Variants in CDKAL1 observed in about 807,000 individuals in gnomAD.
The protein encoded by CDKAL1 is CDKAL1 threonylcarbamoyladenosine tRNA methylthiotransferase.
Under a neutral mutation model 68.2 loss-of-function variants are expected in CDKAL1, and 32 were observed. The ratio of observed to expected loss-of-function variants is 0.47; its 90% CI spans 0.35 to 0.63. CDKAL1 has a LOEUF of 0.63. Ranked by LOEUF, CDKAL1 falls within the 30% of genes least tolerant of loss-of-function variation. The pLI is 0.00. For synonymous variants in CDKAL1, 234 were observed against 244.3 expected, an observed-to-expected ratio of 0.96 and a Z score of 0.39; for missense variants, 606 against 696.7, an observed-to-expected ratio of 0.87 and a Z score of 1.47.
At chr6:20,862,662 T>TGCGCGCGC (rs373491559) in intron 9 of CDKAL1, among the ~76,000 whole-genome samples, 20 of 133,878 alleles carry the variant, frequency 1.5e-4, no homozygotes, top group African/African-American at 4.7e-4. Context: ...TGTGTGTGTG[T>TGCGCGCGC]GCGCGCGTGC....
intron 15 of CDKAL1, among the ~76,000 whole-genome samples, chr6:21,219,802 A>G (rs73387991): frequency 0.061 from 9,305 of 152,252 alleles, 825 homozygotes; most frequent in African/African-American, 0.2. Context: ...ACACACTTTC[A>G]TGGTTACCTA....
chr6:20,558,489 A>G (rs1242599883), intron 4 of CDKAL1: 2 of 456,188 alleles, frequency 4.4e-6, no homozygotes, highest in Non-Finnish European at 8.8e-6. Flanking sequence ...TGGGGTTGAA[A>G]CAGTAAGTGC....
At chr6:20,784,772 CAT>C (rs1775598248) in intron 8 of CDKAL1, among the ~76,000 whole-genome samples, 1 of 151,962 alleles carries the variant, frequency 6.6e-6, no homozygotes. Context: ...ATGGCACACA[CAT>C]GGATACAGAG....
intron 10 of CDKAL1, among the ~76,000 whole-genome samples, chr6:20,980,157 A>G (rs1052244962): frequency 6.6e-6 from 1 of 152,100 alleles, no homozygotes; most frequent in Admixed American, 6.6e-5. Context: ...AAAATAAAAT[A>G]CAAACATTAT....
chr6:20,951,751 C>T (rs768081594), intron 9 of CDKAL1, among the ~76,000 whole-genome samples: 4 of 151,942 alleles, frequency 2.6e-5, no homozygotes, highest in Non-Finnish European at 4.4e-5. Context: ...TTTGGGAAAA[C>T]GAAAACAAGT....
At chr6:20,695,060 A>G (rs546671862) in intron 5 of CDKAL1, among the ~76,000 whole-genome samples, 2 of 152,146 alleles carry the variant, frequency 1.3e-5, no homozygotes, top group South Asian at 2.1e-4. Flanking sequence ...CCCACATTCA[A>G]CTATTCCTTT....
intron 14 of CDKAL1, among the ~76,000 whole-genome samples, chr6:21,198,421 A>G (rs904142998): frequency 2.6e-5 from 4 of 152,156 alleles, no homozygotes; most frequent in African/African-American, 4.8e-5. Context: ...CAGGGGGGAA[A>G]GTCCTGCTCA....
At chr6:21,211,408 C>A (rs892089856) in intron 15 of CDKAL1, among the ~76,000 whole-genome samples, 4 of 152,198 alleles carry the variant, frequency 2.6e-5, no homozygotes, top group Non-Finnish European at 2.9e-5. Context: ...ACCCTGAAAT[C>A]TCAGGGCTAA....
intron 10 of CDKAL1, among the ~76,000 whole-genome samples, chr6:20,957,008 T>TAAAAAAAAAAAAAAAAAAAAAAATAAA (rs70990087): frequency 8.8e-6 from 1 of 113,836 alleles, no homozygotes; most frequent in Non-Finnish European, 1.7e-5. Flanking sequence ...TGATTCTCTG[T>TAAAAAAAAAAAAAAAAAAAAAAATAAA]AAAAAAAAAA....
At chr6:20,913,737 T>C (rs1172093742) in intron 9 of CDKAL1, among the ~76,000 whole-genome samples, 3 of 152,144 alleles carry the variant, frequency 2.0e-5, no homozygotes, top group Admixed American at 2.0e-4. Context: ...TCTCAGTGCT[T>C]TGGGAAGCTG....
intron 5 of CDKAL1, among the ~76,000 whole-genome samples, chr6:20,682,294 A>G (rs1040517999): frequency 5.9e-5 from 9 of 152,170 alleles, no homozygotes; most frequent in Non-Finnish European, 1.3e-4. Flanking sequence ...TTATTATCTA[A>G]CAGCACTTCC....
At chr6:20,948,259 C>A (rs1764353940) in intron 9 of CDKAL1, among the ~76,000 whole-genome samples, 1 of 151,978 alleles carries the variant, frequency 6.6e-6, no homozygotes, top group African/African-American at 2.4e-5. Context: ...TAAGGGAATC[C>A]TTTGTGCCTT....
At chr6:20,937,444 G>A (rs1763776203) in intron 9 of CDKAL1, among the ~76,000 whole-genome samples, 1 of 152,084 alleles carries the variant, frequency 6.6e-6, no homozygotes, top group Non-Finnish European at 1.5e-5. Context: ...GAAACTTAAC[G>A]TTGGTAAAAT....
chr6:20,947,274 G>A (rs1195829328), intron 9 of CDKAL1, among the ~76,000 whole-genome samples: 1 of 152,154 alleles, frequency 6.6e-6, no homozygotes, highest in Non-Finnish European at 1.5e-5. Flanking sequence ...TAAACCCATT[G>A]TAAGTTGAAA....
chr6:20,666,795 G>A (rs62397620), intron 5 of CDKAL1, among the ~76,000 whole-genome samples: 9,329 of 151,032 alleles, frequency 0.062, 368 homozygotes, highest in African/African-American at 0.13. Context: ...TGAAGTGTCT[G>A]GATTCTGTTT....
Position 20,831,066 on chromosome 6 carries a change from T to C in CDKAL1, c.639-15009T>C, listed in dbSNP as rs1303823899. ...CGTCCACCCTATAATATTAGGTTGG[T>C]GTACAAGTAATTGCGGTTTCATACC... On this transcript the variant is annotated intron_variant, in intron 8 of 15. Transcript: ENST00000274695. Among the ~76,000 whole-genome samples, 5 of 152,278 alleles carry C rather than the reference T, an allele frequency of 3.3e-5. No homozygotes were observed. In the East Asian group the frequency reaches 9.7e-4, roughly 29 times the overall value.
chr6:20,654,004 C>T (rs966195001), intron 5 of CDKAL1, among the ~76,000 whole-genome samples: 4 of 152,174 alleles, frequency 2.6e-5, no homozygotes, highest in Non-Finnish European at 4.4e-5. Context: ...ACCTTGGCCT[C>T]CCAAAGTGTT....
chr6:20,922,161 A>G (rs1041127060), intron 9 of CDKAL1, among the ~76,000 whole-genome samples: 6 of 152,210 alleles, frequency 3.9e-5, no homozygotes, highest in African/African-American at 1.2e-4. Context: ...TTTGAACCCC[A>G]TGGTACTATT....
At chr6:20,902,133 G>A (rs2150601036) in intron 9 of CDKAL1, among the ~76,000 whole-genome samples, 1 of 152,222 alleles carries the variant, frequency 6.6e-6, no homozygotes, top group South Asian at 2.1e-4. Context: ...TGACCAAGTT[G>A]GAAATGTTGA....
Sources: allele counts gnomAD v4.1 joint callset (sites outside exome capture counted in the v4.1 genomes callset), GRCh38; gene constraint gnomAD v4.1.1; transcripts MANE v1.5; gene names NCBI Gene and HGNC (gene_info 2026-07-23, HGNC 2026-07-21).